The following CDH13 variants were observed in gnomAD, a reference collection of about 807,000 sequenced individuals.
CDH13 encodes cadherin-13.
A neutral mutation model predicts 63.8 loss-of-function variants in CDH13; 24 were observed. The observed-to-expected ratio is 0.38, with a 90% confidence interval of 0.27 to 0.53. The LOEUF is 0.53. Among genes scored for constraint, CDH13 ranks in the 20% least tolerant of loss-of-function variants. The pLI is 0.85. For missense variants in CDH13, 1,049 were observed against 903.1 expected (o/e 1.16, Z -2.07); for synonymous variants, 503 against 355.3 (o/e 1.42, Z -4.67).
At chr16:83,752,371 TAAG>T (rs1429991524) in intron 11 of CDH13, among the ~76,000 whole-genome samples, 4 of 152,198 alleles carry the variant, frequency 2.6e-5, no homozygotes, top group African/African-American at 7.2e-5. Flanking sequence ...TCCCGAATAT[TAAG>T]AAGAACAAAA....
chr16:83,652,836 A>C (rs1912514471), intron 8 of CDH13, among the ~76,000 whole-genome samples: 1 of 152,178 alleles, frequency 6.6e-6, no homozygotes, highest in Non-Finnish European at 1.5e-5. Context: ...AGTCCTCCCA[A>C]AACTTGCAGA....
intron 2 of CDH13, among the ~76,000 whole-genome samples, chr16:82,908,101 T>G (rs540373524): frequency 1.8e-4 from 28 of 152,178 alleles, no homozygotes; most frequent in African/African-American, 5.8e-4. Context: ...CACACTATCC[T>G]TAACCTAGAG....
intron 2 of CDH13, among the ~76,000 whole-genome samples, chr16:82,901,450 G>A (rs1383323198): frequency 6.6e-6 from 1 of 151,766 alleles, no homozygotes; most frequent in Admixed American, 6.6e-5. Context: ...ACCTGACAAA[G>A]ATGGTGGGCT....
intron 1 of CDH13, among the ~76,000 whole-genome samples, chr16:82,836,859 C>G (rs906150314): frequency 6.6e-6 from 1 of 152,178 alleles, no homozygotes; most frequent in South Asian, 2.1e-4. Context: ...GTGTGACTTT[C>G]ATTTTTAGGA....
intron 1 of CDH13, among the ~76,000 whole-genome samples, chr16:82,667,773 C>T (rs563142591): frequency 1.3e-5 from 2 of 152,254 alleles, no homozygotes; most frequent in East Asian, 1.9e-4. Context: ...CCACAGCTCA[C>T]GCTTGCTTTC....
chr16:82,654,049 A>G (rs1349560886), intron 1 of CDH13, among the ~76,000 whole-genome samples: 1 of 152,172 alleles, frequency 6.6e-6, no homozygotes, highest in Non-Finnish European at 1.5e-5. Flanking sequence ...CATGGGCCTG[A>G]GAGAGGATTC....
intron 4 of CDH13, among the ~76,000 whole-genome samples, chr16:83,190,533 G>A (rs1426744669): frequency 6.6e-6 from 1 of 152,106 alleles, no homozygotes; most frequent in Non-Finnish European, 1.5e-5. Context: ...TACTGTTCTA[G>A]GTACATATGA....
At chr16:83,779,250 CA>C (rs1258173024) in intron 11 of CDH13, among the ~76,000 whole-genome samples, 1 of 151,038 alleles carries the variant, frequency 6.6e-6, no homozygotes, top group Non-Finnish European at 1.5e-5. Flanking sequence ...ACTAAAACTA[CA>C]AAAAAATTAG....
At position 83,080,870 on chromosome 16, in the gene CDH13, T is replaced by TG. The variant is rs1470244376; in HGVS notation, c.367-44514dup. On this transcript the variant is annotated intron_variant, in intron 3 of 13. Transcript: ENST00000567109. ...AAGATAGAGTTTTGTTTTGTTTTTG[T>TG]GTTTTTTTTTTTTTTTTTTTTTTTT... 2.1e-4 allele frequency among the ~76,000 whole-genome samples: 20 copies of TG among 97,102 alleles called. 1 individual carries two copies. Among genetic ancestry groups the TG allele is most frequent in the East Asian group, 9.0e-4 (3 of 3,340 alleles). The allele number at this position is 97,102 out of a possible 152,430, so 63.7% of individuals were successfully genotyped here. A position where few individuals can be genotyped will look rare whatever the true frequency, so the allele number is the denominator to read the frequency against.
intron 11 of CDH13, among the ~76,000 whole-genome samples, chr16:83,775,856 A>T (rs1173827116): frequency 2.0e-5 from 3 of 152,192 alleles, no homozygotes; most frequent in Non-Finnish European, 4.4e-5. Context: ...CTGCTGATGG[A>T]AAGAGGAACA....
intron 1 of CDH13, among the ~76,000 whole-genome samples, chr16:82,779,729 G>C (rs981189064): frequency 6.6e-6 from 1 of 152,200 alleles, no homozygotes; most frequent in Non-Finnish European, 1.5e-5. Context: ...GAGGAATGCA[G>C]AGCTTAAGTG....
chr16:82,750,363 C>T (rs1022039850), intron 1 of CDH13, among the ~76,000 whole-genome samples: 1 of 152,144 alleles, frequency 6.6e-6, no homozygotes, highest in Non-Finnish European at 1.5e-5. Context: ...GCACTAAGCC[C>T]AAGTGTGTGC....
intron 8 of CDH13, among the ~76,000 whole-genome samples, chr16:83,650,056 A>T (rs1001540581): frequency 2.0e-5 from 3 of 152,180 alleles, no homozygotes; most frequent in Non-Finnish European, 2.9e-5. Flanking sequence ...AGACAGCCCC[A>T]AGGGTGACAC....
chr16:83,361,017 C>T (rs1356307478), intron 6 of CDH13, among the ~76,000 whole-genome samples: 1 of 152,168 alleles, frequency 6.6e-6, no homozygotes. Flanking sequence ...TGCCAAACTG[C>T]TTTCCACAGT....
intron 3 of CDH13, among the ~76,000 whole-genome samples, chr16:83,036,791 G>A (rs970031230): frequency 6.6e-6 from 1 of 152,080 alleles, no homozygotes; most frequent in African/African-American, 2.4e-5. Flanking sequence ...CTCATTCTCA[G>A]GCAGGAAATC....
intron 1 of CDH13, among the ~76,000 whole-genome samples, chr16:82,753,645 A>T (rs1208546460): frequency 6.6e-6 from 1 of 152,222 alleles, no homozygotes; most frequent in African/African-American, 2.4e-5. Flanking sequence ...CTTTGATTCT[A>T]GTGCCAAATT....
At chr16:83,414,521 C>A (rs1250995308) in intron 6 of CDH13, among the ~76,000 whole-genome samples, 1 of 151,966 alleles carries the variant, frequency 6.6e-6, no homozygotes, top group Admixed American at 6.6e-5. Flanking sequence ...TGCTAGAACC[C>A]CTTCATCTTG....
chr16:83,497,703 A>G (rs1343301018), intron 7 of CDH13, among the ~76,000 whole-genome samples: 1 of 152,236 alleles, frequency 6.6e-6, no homozygotes, highest in Non-Finnish European at 1.5e-5. Flanking sequence ...TTTAAAGCTC[A>G]TGCGTCATCA....
chr16:83,021,248 T>C (rs929608827), intron 2 of CDH13, among the ~76,000 whole-genome samples: 1 of 152,238 alleles, frequency 6.6e-6, no homozygotes, highest in Non-Finnish European at 1.5e-5. Flanking sequence ...AAGTTGCAGT[T>C]CTGCTATTTA....
Sources: allele counts gnomAD v4.1 joint callset (sites outside exome capture counted in the v4.1 genomes callset), GRCh38; gene constraint gnomAD v4.1.1; transcripts MANE v1.5; gene names NCBI Gene and HGNC (gene_info 2026-07-23, HGNC 2026-07-21).